Variants in MAPK4 observed in about 807,000 individuals in gnomAD.
The protein encoded by MAPK4 is Erk3-related.
MAPK4 carries 22 observed loss-of-function variants against 47.7 expected under a neutral mutation model. The observed-to-expected ratio is 0.46, with a 90% CI of 0.33 to 0.66. MAPK4 has a LOEUF of 0.66. MAPK4 is among the 30% of genes least tolerant of loss of function. MAPK4 has a pLI of 0.02. For missense variants in MAPK4, 736 were observed against 831.7 expected, an observed-to-expected ratio of 0.88 and a Z score of 1.42; for synonymous variants, 390 against 365.7, an observed-to-expected ratio of 1.07 and a Z score of -0.76.
intron 1 of MAPK4, among the ~76,000 whole-genome samples, chr18:50,651,132 C>T (rs763235386): frequency 7.2e-5 from 11 of 152,202 alleles, no homozygotes; most frequent in African/African-American, 1.2e-4. Flanking sequence ...CAGCAAGGAA[C>T]GCAGGTGCTG....
At chr18:50,645,520 A>G (rs1363672036) in intron 1 of MAPK4, among the ~76,000 whole-genome samples, 1 of 152,228 alleles carries the variant, frequency 6.6e-6, no homozygotes, top group Non-Finnish European at 1.5e-5. Flanking sequence ...ATTTCATGCC[A>G]ACAGTGGAAG....
intron 1 of MAPK4, among the ~76,000 whole-genome samples, chr18:50,642,811 G>T (rs937262825): frequency 6.6e-6 from 1 of 152,166 alleles, no homozygotes; most frequent in African/African-American, 2.4e-5. Context: ...GCAAGTGTTG[G>T]CCAGGCTGGT....
chr18:50,581,103 A>T (rs998575386), intron 1 of MAPK4, among the ~76,000 whole-genome samples: 1 of 152,244 alleles, frequency 6.6e-6, no homozygotes, highest in Non-Finnish European at 1.5e-5. Flanking sequence ...AAAATGCACG[A>T]GTGCTTTTGC....
chr18:50,636,859 T>C (rs1477611036), intron 1 of MAPK4, among the ~76,000 whole-genome samples: 1 of 152,220 alleles, frequency 6.6e-6, no homozygotes, highest in Non-Finnish European at 1.5e-5. Context: ...GTGTTTGTGG[T>C]CTCACGGTAA....
chr18:50,664,586 T>G lies in MAPK4; in HGVS notation c.546+82T>G. 1 of 1,434,450 alleles carries G rather than the reference T, an allele frequency of 7.0e-7. No individual in the cohort carries two copies. The highest frequency in any genetic ancestry group is 9.5e-7 in the Non-Finnish European group (1 of 1,056,996). The allele number at this position is 1,434,450 out of a possible 1,614,324, so 88.9% of individuals were successfully genotyped here. A position where few individuals can be genotyped will look rare whatever the true frequency, so the allele number is the denominator to read the frequency against. The stretch of plus-strand genomic sequence containing the variant: ...GCAGCATTCCCAAGCTATTCCTAGC[T>G]CCATGGTAGTCAGAGGACTAGAGTT... On this transcript the variant is annotated intron_variant, in intron 2 of 5. Coordinates refer to ENST00000400384, the MANE Select transcript of MAPK4 (RefSeq NM_002747.4). This position sits in a 1 kb window ranked among gnomAD's most constrained non-coding sequence, Gnocchi z 6.0.
chr18:50,593,972 T>C (rs1217212959), intron 1 of MAPK4, among the ~76,000 whole-genome samples: 1 of 152,116 alleles, frequency 6.6e-6, no homozygotes, highest in Non-Finnish European at 1.5e-5. Context: ...TCTGAGTCCA[T>C]TCAAAAGCAG....
intron 4 of MAPK4, among the ~76,000 whole-genome samples, chr18:50,723,713 A>G (rs190940845): frequency 9.4e-4 from 143 of 152,156 alleles, no homozygotes; most frequent in Middle Eastern, 3.4e-3. Context: ...AAATATAACA[A>G]ATTAGCTGGG....
chr18:50,622,143 C>T (rs1158036984), intron 1 of MAPK4, among the ~76,000 whole-genome samples: 2 of 152,156 alleles, frequency 1.3e-5, no homozygotes, highest in Non-Finnish European at 2.9e-5. Context: ...GAGGGAGAAG[C>T]CCTGAGGTGG....
chr18:50,571,033 C>A (rs1314639805), intron 1 of MAPK4, among the ~76,000 whole-genome samples: 1 of 152,136 alleles, frequency 6.6e-6, no homozygotes, highest in African/African-American at 2.4e-5. Context: ...GCCCAGGGAA[C>A]CATAGCCTCC....
intron 2 of MAPK4, among the ~76,000 whole-genome samples, chr18:50,682,290 C>T (rs759491128): frequency 5.3e-5 from 8 of 152,014 alleles, no homozygotes; most frequent in African/African-American, 1.4e-4. Context: ...TGAAAAGCAT[C>T]GTATATGTAG....
chr18:50,571,240 G>A (rs1303576255), intron 1 of MAPK4, among the ~76,000 whole-genome samples: 1 of 152,080 alleles, frequency 6.6e-6, no homozygotes, highest in East Asian at 1.9e-4. Context: ...CACATAGGAA[G>A]GACTATAGAA....
Position 50,729,619 on chromosome 18 carries a change from C to T in MAPK4, c.1529C>T (p.Pro510Leu), listed in dbSNP as rs1316044113. The change falls in exon 6 of 6, where the codon CCC (proline) becomes CTC (leucine). Residue 510 changes from proline (P) to leucine (L), a missense_variant. Physicochemically the swap from Pro to Leu is moderately conservative, Grantham distance 98. Transcript: ENST00000400384. The stretch of plus-strand genomic sequence containing the variant: ...GGCGGCCCAGAGCACGCCAGCCCGC[C>T]CGCCGACGACCCCGAGCGCCGCTTG... Reference protein sequence around the residue: ...TQGGPEHASPPADDPERRLSA... With the variant: ...TQGGPEHASPLADDPERRLSA... 2.2e-6 allele frequency: 3 copies of T among 1,381,148 alleles called. No individual in the cohort carries two copies. The highest frequency in any genetic ancestry group is 1.8e-5 in the South Asian group (1 of 54,384). The allele number at this position is 1,381,148 out of a possible 1,614,324, so 85.6% of individuals were successfully genotyped here. A position where few individuals can be genotyped will look rare whatever the true frequency, so the allele number is the denominator to read the frequency against.
intron 1 of MAPK4, among the ~76,000 whole-genome samples, chr18:50,589,899 C>A (rs1347144677): frequency 6.6e-6 from 1 of 152,206 alleles, no homozygotes; most frequent in Non-Finnish European, 1.5e-5. Context: ...CTCTCACCTG[C>A]AAATTTGCAT....
chr18:50,680,538 C>G (rs560444507), intron 2 of MAPK4, among the ~76,000 whole-genome samples: 1 of 152,060 alleles, frequency 6.6e-6, no homozygotes, highest in African/African-American at 2.4e-5. Context: ...TCATTACCCC[C>G]AAAAGAAACA....
intron 1 of MAPK4, among the ~76,000 whole-genome samples, chr18:50,646,906 G>A (rs934051720): frequency 3.3e-5 from 5 of 152,122 alleles, no homozygotes; most frequent in Non-Finnish European, 7.3e-5. Flanking sequence ...GGAGCCTGCT[G>A]TTTCTCCCCA....
chr18:50,692,828 C>T (rs1299715370), intron 2 of MAPK4, among the ~76,000 whole-genome samples: 2 of 152,100 alleles, frequency 1.3e-5, no homozygotes, highest in African/African-American at 2.4e-5. Context: ...CAGGAGAACA[C>T]CGAGTTAGGA....
At chr18:50,723,261 C>T (rs1316280990) in intron 4 of MAPK4, among the ~76,000 whole-genome samples, 1 of 152,144 alleles carries the variant, frequency 6.6e-6, no homozygotes, top group Non-Finnish European at 1.5e-5. Flanking sequence ...CAGCCAAAGC[C>T]AGGGGAAGAG....
chr18:50,642,483 A>G (rs773531455), intron 1 of MAPK4, among the ~76,000 whole-genome samples: 5 of 152,202 alleles, frequency 3.3e-5, no homozygotes, highest in Non-Finnish European at 7.3e-5. Context: ...CAACCACCCC[A>G]ATATAGTTAG....
chr18:50,687,264 A>G (rs1908931989), intron 2 of MAPK4, among the ~76,000 whole-genome samples: 1 of 152,100 alleles, frequency 6.6e-6, no homozygotes, highest in Non-Finnish European at 1.5e-5. Flanking sequence ...GGCTCAAGTG[A>G]TCCTGTCACC....
Sources: gnomAD v4.1 joint callset for allele counts (sites outside exome capture counted in the v4.1 genomes callset) on GRCh38, gnomAD v4.1.1 for gene constraint, Gnocchi (gnomAD v3.1) non-coding constraint, MANE v1.5 for transcripts, NCBI Gene and HGNC (gene_info 2026-07-23, HGNC 2026-07-21) for gene names.